Variants in C2orf42 observed in about 807,000 individuals in gnomAD.
C2orf42 encodes chromosome 2 open reading frame 42.
C2orf42 carries 44 observed loss-of-function variants against 58.9 expected under a neutral mutation model. That is an observed-to-expected ratio of 0.75 (90% CI 0.59 to 0.96). The LOEUF is 0.96. Among genes scored for constraint, C2orf42 ranks in the 40% least tolerant of loss-of-function variants. The probability of loss-of-function intolerance (pLI) is 0.00; values close to 1 mark genes in which losing one functional copy is unlikely to be tolerated. For missense variants in C2orf42, 630 were observed against 699.2 expected (o/e 0.90, Z 1.12); for synonymous variants, 239 against 265.4 (o/e 0.90, Z 0.97).
chr2:70,156,355 G>C (rs1672676546), intron 9 of C2orf42, among the ~76,000 whole-genome samples: 2 of 152,100 alleles, frequency 1.3e-5, no homozygotes, highest in South Asian at 2.1e-4. Context: ...GCCTGGTGGT[G>C]TGTGCCTGTA....
chr2:70,158,900 CTTT>C (rs34839050), intron 9 of C2orf42, among the ~76,000 whole-genome samples: 5 of 106,274 alleles, frequency 4.7e-5, no homozygotes, highest in Admixed American at 2.1e-4. Flanking sequence ...CCGAGTATTC[CTTT>C]TTTTTTTTTT....
At chr2:70,169,280 C>G (rs1235334774) in intron 6 of C2orf42, among the ~76,000 whole-genome samples, 1 of 151,496 alleles carries the variant, frequency 6.6e-6, no homozygotes, top group East Asian at 1.9e-4. Flanking sequence ...CACACACACA[C>G]ACGTGCACAC....
intron 9 of C2orf42, among the ~76,000 whole-genome samples, chr2:70,155,019 G>C (rs1672570831): frequency 6.6e-6 from 1 of 152,096 alleles, no homozygotes; most frequent in Non-Finnish European, 1.5e-5. Context: ...GCCAAGGCGG[G>C]CAGATCACAA....
At chr2:70,157,462 CAA>C (rs1672753101) in intron 9 of C2orf42, among the ~76,000 whole-genome samples, 2 of 148,572 alleles carry the variant, frequency 1.3e-5, no homozygotes. Context: ...TCAAAACAAA[CAA>C]ACAAACAAAC....
chr2:70,150,558 G>C lies in C2orf42; in HGVS notation c.1523C>G (p.Thr508Ser). The change falls in exon 10 of 10, where the codon ACT (threonine) becomes AGT (serine). Residue 508 changes from threonine (T) to serine (S), a missense_variant. Transcript: ENST00000264434. ...TGTTGGCTCCTTTTGATCTGGGGAA[G>C]TGTTGCCTAAAGAGAAGAAAGGAGT... The part of the protein sequence containing the change: ...ELKTFLKVGN[T>S]SPDQKEPTPF... 6.2e-7 allele frequency: 1 copy of C among 1,612,156 alleles called. No individual in the cohort carries two copies. Among genetic ancestry groups the C allele is most frequent in the Non-Finnish European group, 8.5e-7 (1 of 1,178,236 alleles).
intron 1 of C2orf42, among the ~76,000 whole-genome samples, chr2:70,186,903 TG>T (rs1674972852): frequency 7.1e-6 from 1 of 140,460 alleles, no homozygotes; most frequent in Non-Finnish European, 1.5e-5. Context: ...AATTGAACAA[TG>T]AGAACACATG....
At position 70,149,996 on chromosome 2, in the gene C2orf42, A is replaced by G. The variant is rs1393655163; in HGVS notation, c.*360T>C. The G allele has an allele frequency of 3.5e-6, 1 of 288,128 alleles. No homozygotes were observed. Among genetic ancestry groups the G allele is most frequent in the Non-Finnish European group, 6.7e-6 (1 of 149,342 alleles). 17.8% of individuals were successfully genotyped at this position (288,128 alleles called of 1,614,324 possible). On this transcript the variant is annotated 3_prime_UTR_variant, in exon 10 of 10. Coordinates refer to ENST00000264434, the MANE Select transcript of C2orf42 (RefSeq NM_017880.3). Reference sequence around the variant, plus strand: ...CCCTAACCAGGGTGTTAACTTTCCAACACTGTTGGTGTATGGCTGAGTGCT... The same window carrying G: ...CCCTAACCAGGGTGTTAACTTTCCAGCACTGTTGGTGTATGGCTGAGTGCT...
intron 3 of C2orf42, among the ~76,000 whole-genome samples, chr2:70,180,082 A>G (rs1225740987): frequency 6.6e-6 from 1 of 152,202 alleles, no homozygotes; most frequent in Non-Finnish European, 1.5e-5. Flanking sequence ...ACCTGAGGTC[A>G]GGAGTTTGAG....
intron 5 of C2orf42, among the ~76,000 whole-genome samples, chr2:70,174,052 A>G (rs1351243779): frequency 6.6e-6 from 1 of 152,162 alleles, no homozygotes; most frequent in Non-Finnish European, 1.5e-5. Context: ...TCACACCTGT[A>G]ATCTCAGTAC....
At chr2:70,152,997 C>T (rs1672401787) in intron 9 of C2orf42, among the ~76,000 whole-genome samples, 1 of 150,406 alleles carries the variant, frequency 6.6e-6, no homozygotes, top group Non-Finnish European at 1.5e-5. Flanking sequence ...CGCACCACTG[C>T]ACTCCAGCCT....
intron 9 of C2orf42, among the ~76,000 whole-genome samples, chr2:70,153,365 C>A (rs201412184): frequency 1.5e-5 from 2 of 131,960 alleles, no homozygotes; most frequent in Admixed American, 8.0e-5. Context: ...CTGGACAGAT[C>A]TTTTTTTTTT....
rs1673593019 is a variant in C2orf42, at chr2:70,168,833, C to T, written c.1144+724G>A. Among the ~76,000 whole-genome samples, 3 of 151,350 alleles carry T rather than the reference C, an allele frequency of 2.0e-5. No individual in the cohort carries two copies. In the South Asian group the frequency reaches 6.2e-4, roughly 32 times the overall value. ...GTTCAAGCAATTCTCCCACCTCAGC[C>T]TCCCAGGTATTTGGGACTACAGGCA... is the stretch of plus-strand genomic sequence containing the variant. On this transcript the variant is annotated intron_variant, in intron 6 of 9. Coordinates refer to ENST00000264434, the MANE Select transcript of C2orf42 (RefSeq NM_017880.3).
At chr2:70,153,968 G>A (rs1179399185) in intron 9 of C2orf42, among the ~76,000 whole-genome samples, 9 of 151,258 alleles carry the variant, frequency 6.0e-5, no homozygotes, top group African/African-American at 1.2e-4. Flanking sequence ...CAGGAGAATC[G>A]CTTGAACCCG....
At chr2:70,169,490 A>T in intron 6 of C2orf42, 67 bp downstream of exon 6, 1 of 794,726 alleles carries the variant, frequency 1.3e-6, no homozygotes, top group Non-Finnish European at 2.2e-6. Context: ...TCAGAGGAGA[A>T]TTACAGCACA....
chr2:70,161,583 G>A (rs1673052134), intron 8 of C2orf42, among the ~76,000 whole-genome samples: 2 of 152,148 alleles, frequency 1.3e-5, no homozygotes, highest in African/African-American at 2.4e-5. Context: ...GCTCACGCCT[G>A]TAATCCCAGA....
At position 70,181,232 on chromosome 2, in the gene C2orf42, T is replaced by G. The variant is rs748339283; in HGVS notation, c.754A>C (p.Ile252Leu). 1.2e-6 allele frequency: 2 copies of G among 1,605,372 alleles called. No homozygotes were observed. The highest frequency in any genetic ancestry group is 1.7e-6 in the Non-Finnish European group (2 of 1,173,026). ...GTCTCATCACTGGCAAAGGCACAGA[T>G]GCAAGCAAAGAAATGAATGCATCTC... ...AQRCIHFFAC[I>L]CAFASDETLA... The change falls in exon 3 of 10, where the codon ATC (isoleucine) becomes CTC (leucine). Residue 252 changes from isoleucine (I) to leucine (L), a missense_variant. By Grantham distance (5) the Ile-to-Leu change is conservative (BLOSUM62 2). Coordinates refer to ENST00000264434, the MANE Select transcript of C2orf42 (RefSeq NM_017880.3).
chr2:70,175,381 C>T (rs1674119391), intron 5 of C2orf42, among the ~76,000 whole-genome samples: 1 of 152,218 alleles, frequency 6.6e-6, no homozygotes, highest in Admixed American at 6.6e-5. Context: ...GTGTGTGTTG[C>T]TCCCCTCTAT....
chr2:70,171,996 G>C (rs1673851440), intron 5 of C2orf42, among the ~76,000 whole-genome samples: 1 of 151,616 alleles, frequency 6.6e-6, no homozygotes, highest in Non-Finnish European at 1.5e-5. Context: ...GCCAAGGCGG[G>C]TGGATCACCT....
intron 4 of C2orf42, 131 bp from the exon 5 acceptor site, chr2:70,175,908 G>C (rs1334440136): frequency 1.5e-6 from 1 of 651,580 alleles, no homozygotes; most frequent in Non-Finnish European, 2.7e-6. Flanking sequence ...GTTTCTAGGA[G>C]TTAGCATTAG....
Sources: allele counts gnomAD v4.1 joint callset (sites outside exome capture counted in the v4.1 genomes callset), GRCh38; gene constraint gnomAD v4.1.1; transcripts MANE v1.5; gene names NCBI Gene and HGNC (gene_info 2026-07-23, HGNC 2026-07-21).